IQGAP2: variants seen among roughly 807,000 people sequenced by gnomAD.
The protein encoded by IQGAP2 is IQ motif containing GTPase activating protein 2.
In IQGAP2, 173 loss-of-function variants were observed where a neutral mutation model predicts 201.3. That is an observed-to-expected ratio of 0.86 (90% CI 0.76 to 0.98). The LOEUF is 0.98. Ranked by LOEUF, IQGAP2 falls within the 50% of genes least tolerant of loss-of-function variation. The pLI, the probability that IQGAP2 is intolerant of heterozygous loss-of-function variation, is 0.00. For synonymous variants in IQGAP2, 675 were observed against 673.9 expected (o/e 1.00, Z -0.03); for missense variants, 1,687 against 1,864.8 (o/e 0.90, Z 1.76).
chr5:76,687,267 A>G (rs1745861714), intron 30 of IQGAP2, among the ~76,000 whole-genome samples: 1 of 152,232 alleles, frequency 6.6e-6, no homozygotes, highest in Admixed American at 6.5e-5. Context: ...CAGCCCAGTG[A>G]TCAATGTAGG....
intron 22 of IQGAP2, among the ~76,000 whole-genome samples, chr5:76,667,938 G>T (rs1175553032): frequency 7.0e-6 from 1 of 143,170 alleles, no homozygotes; most frequent in Non-Finnish European, 1.5e-5. Context: ...GAATACAGTG[G>T]TATGATCACA....
At chr5:76,448,952 C>G (rs2150112442) in intron 1 of IQGAP2, among the ~76,000 whole-genome samples, 1 of 152,170 alleles carries the variant, frequency 6.6e-6, no homozygotes, top group Admixed American at 6.5e-5. Flanking sequence ...GAACATCTGC[C>G]CAGCTTCTTG....
chr5:76,704,705 C>T (rs993275190), intron 35 of IQGAP2, among the ~76,000 whole-genome samples: 10 of 152,186 alleles, frequency 6.6e-5, no homozygotes, highest in Admixed American at 1.3e-4. Context: ...GGACCCTGTG[C>T]GGCTGCACAG....
intron 1 of IQGAP2, among the ~76,000 whole-genome samples, chr5:76,451,907 T>C (rs1753777335): frequency 6.6e-6 from 1 of 152,128 alleles, no homozygotes; most frequent in Non-Finnish European, 1.5e-5. Context: ...CGTGGTGATG[T>C]GTGCCTGTAA....
rs375571652 is a variant in IQGAP2, at chr5:76,570,693, G to A, written c.381+36G>A. ...ACGCACTGGAATCTGAACTAGAAAG[G>A]CAAAGGGGTAGTACACAAACATCTC... is the stretch of plus-strand genomic sequence containing the variant. On this transcript the variant is annotated intron_variant, in intron 4 of 35. Transcript: ENST00000274364. 3.0e-5 allele frequency: 41 copies of A among 1,376,482 alleles called. No homozygotes were observed. In the African/African-American group the frequency reaches 4.1e-4, roughly 14 times the overall value. The allele number at this position is 1,376,482 out of a possible 1,614,324, so 85.3% of individuals were successfully genotyped here. A position where few individuals can be genotyped will look rare whatever the true frequency, so the allele number is the denominator to read the frequency against.
chr5:76,697,934 T>G, intron 32 of IQGAP2, 53 bp from the exon 33 acceptor site: 24 of 1,419,992 alleles, frequency 1.7e-5, no homozygotes, highest in Non-Finnish European at 2.3e-5. Context: ...AAACTGGCAA[T>G]ATCATAAAGC....
At chr5:76,592,738 G>C in intron 8 of IQGAP2, 100 bp from the exon 9 acceptor site, 2 of 783,336 alleles carry the variant, frequency 2.6e-6, no homozygotes, top group Non-Finnish European at 4.5e-6. Flanking sequence ...TAAATAATTA[G>C]GGAATGGTTT....
At chr5:76,617,918 GAAGT>G in intron 13 of IQGAP2, 1 of 1,614,098 alleles carries the variant, frequency 6.2e-7, no homozygotes. Context: ...CCAAGGAGAT[GAAGT>G]AATAGAGTTG....
chr5:76,699,903 TTCTCTC>T (rs1186832045), intron 33 of IQGAP2, among the ~76,000 whole-genome samples: 1,973 of 7,082 alleles, frequency 0.28, 645 homozygotes, highest in Middle Eastern at 0.33. Context: ...TTCTTTCTGT[TTCTCTC>T]TCTCTCTCTC....
intron 30 of IQGAP2, among the ~76,000 whole-genome samples, chr5:76,684,599 T>C (rs778972470): frequency 6.6e-6 from 1 of 152,208 alleles, no homozygotes; most frequent in Non-Finnish European, 1.5e-5. Flanking sequence ...CAAGAACTTA[T>C]ACAAACCCAA....
Position 76,438,035 on chromosome 5 carries a change from GTTT to G in IQGAP2, c.47-23526_47-23524del, listed in dbSNP as rs71604291. Among the ~76,000 whole-genome samples, 5 of 68,602 alleles carry G rather than the reference GTTT, an allele frequency of 7.3e-5. 1 individual carries two copies. The highest frequency in any genetic ancestry group is 5.7e-4 in the Admixed American group (4 of 7,030). The allele number at this position is 68,602 out of a possible 152,430, so 45.0% of individuals were successfully genotyped here. A position where few individuals can be genotyped will look rare whatever the true frequency, so the allele number is the denominator to read the frequency against. On this transcript the variant is annotated intron_variant, in intron 1 of 35. Transcript: ENST00000274364. ...TTTTTTTTTTTTTTTTTTTTTGTTT[GTTT>G]TTTTTTTTGTTTTTTTATTATGTCC...
intron 1 of IQGAP2, among the ~76,000 whole-genome samples, chr5:76,459,998 G>A (rs906998118): frequency 2.0e-5 from 3 of 152,126 alleles, no homozygotes; most frequent in East Asian, 3.9e-4. Flanking sequence ...CACTTAGTGA[G>A]GATTCACTGG....
intron 1 of IQGAP2, among the ~76,000 whole-genome samples, chr5:76,417,709 T>C (rs1751490591): frequency 6.6e-6 from 1 of 152,032 alleles, no homozygotes. Context: ...GTCTTCCAAA[T>C]AGCTGGGATT....
rs113467866 is a variant in IQGAP2, at chr5:76,597,239, T to C, written c.908-200T>C. 9.8e-4 allele frequency: 574 copies of C among 587,660 alleles called. 5 individuals carry two copies. The highest frequency in any genetic ancestry group is 9.5e-3 in the African/African-American group (510 of 53,590). The allele number at this position is 587,660 out of a possible 1,614,324, so 36.4% of individuals were successfully genotyped here. ...AGCTCCATCAATGCTAAGGTTCTTG[T>C]AGGCACTAATTCCAAAGATTGGATT... On this transcript the variant is annotated intron_variant, in intron 9 of 35. Transcript: ENST00000274364.
At position 76,665,055 on chromosome 5, in the gene IQGAP2, C is replaced by G; in HGVS notation, c.2559C>G (p.Asn853Lys). 6.3e-7 allele frequency: 1 copy of G among 1,587,186 alleles called. No individual in the cohort carries two copies. Among genetic ancestry groups the G allele is most frequent in the Middle Eastern group, 1.7e-4 (1 of 6,002 alleles). ...EDVISHSKKL[N>K]KKKGGEMEIL... The stretch of plus-strand genomic sequence containing the variant: ...TAATTTCACATAGTAAAAAGCTGAA[C>G]AAGAAAAAAGGAGGAGAAATGGAAA... The change falls in exon 22 of 36, where the codon AAC (asparagine) becomes AAG (lysine). Residue 853 changes from asparagine (N) to lysine (K), a missense_variant. Asn to Lys is a moderately conservative substitution (Grantham distance 94). Transcript: ENST00000274364.
chr5:76,561,612 G>A (rs965622789), intron 2 of IQGAP2, among the ~76,000 whole-genome samples: 1 of 152,168 alleles, frequency 6.6e-6, no homozygotes, highest in Admixed American at 6.5e-5. Context: ...TGAGAAAGGA[G>A]TATCCTCATG....
chr5:76,678,437 A>T (rs1196147605), intron 28 of IQGAP2, among the ~76,000 whole-genome samples: 1 of 151,902 alleles, frequency 6.6e-6, no homozygotes, highest in East Asian at 1.9e-4. Flanking sequence ...AAAAAAAAAA[A>T]GCTAAGCATT....
chr5:76,479,435 T>C (rs920411671), intron 2 of IQGAP2, among the ~76,000 whole-genome samples: 18 of 152,136 alleles, frequency 1.2e-4, no homozygotes, highest in African/African-American at 4.3e-4. Flanking sequence ...TGGATCGCTT[T>C]GGGGAACACA....
At chr5:76,531,744 A>G (rs1309877797) in intron 2 of IQGAP2, among the ~76,000 whole-genome samples, 2 of 152,194 alleles carry the variant, frequency 1.3e-5, no homozygotes, top group Non-Finnish European at 2.9e-5. Context: ...TGAATTTCTC[A>G]TTTGACCCTG....
Sources: allele counts gnomAD v4.1 joint callset (sites outside exome capture counted in the v4.1 genomes callset), GRCh38; gene constraint gnomAD v4.1.1; transcripts MANE v1.5; gene names NCBI Gene and HGNC (gene_info 2026-07-23, HGNC 2026-07-21).